ROBO2: variants seen among roughly 807,000 people sequenced by gnomAD.
ROBO2 encodes the protein roundabout homolog 2.
Under a neutral mutation model 160.8 loss-of-function variants are expected in ROBO2, and 53 were observed. The observed-to-expected ratio is 0.33, with a 90% CI of 0.26 to 0.41. ROBO2 has a LOEUF of 0.41. ROBO2 is among the 10% of genes least tolerant of loss of function. The probability of loss-of-function intolerance (pLI) is 1.00; values close to 1 mark genes in which losing one functional copy is unlikely to be tolerated. For synonymous variants in ROBO2, 664 were observed against 611.7 expected (o/e 1.09, Z -1.26); for missense variants, 1,577 against 1,722.4 (o/e 0.92, Z 1.49).
At chr3:77,460,752 T>C (rs563360683) in intron 2 of ROBO2, among the ~76,000 whole-genome samples, 64 of 152,290 alleles carry the variant, frequency 4.2e-4, no homozygotes, top group African/African-American at 1.5e-3. Flanking sequence ...TTAGCAAATA[T>C]ATATCTAGCA....
At chr3:76,134,140 CTTCAACTGTT>C (rs2071337810) in intron 2 of ROBO2, among the ~76,000 whole-genome samples, 1 of 152,068 alleles carries the variant, frequency 6.6e-6, no homozygotes, top group South Asian at 2.1e-4. Flanking sequence ...AATTTTCAGA[CTTCAACTGTT>C]TCAGAGCTTG....
At chr3:77,179,558 A>G (rs1219204872) in intron 2 of ROBO2, among the ~76,000 whole-genome samples, 3 of 152,102 alleles carry the variant, frequency 2.0e-5, no homozygotes, top group African/African-American at 7.2e-5. Context: ...GAGGCAAGAA[A>G]AAAAAGGCCA....
At chr3:77,214,313 G>T (rs1452843440) in intron 2 of ROBO2, among the ~76,000 whole-genome samples, 5 of 152,152 alleles carry the variant, frequency 3.3e-5, no homozygotes, top group Non-Finnish European at 1.5e-5. Flanking sequence ...TTGTTGAATT[G>T]ATCCCTTTCC....
intron 2 of ROBO2, among the ~76,000 whole-genome samples, chr3:77,034,182 A>G (rs1012721097): frequency 1.3e-5 from 2 of 151,952 alleles, no homozygotes; most frequent in Non-Finnish European, 2.9e-5. Flanking sequence ...ATGTTATGAT[A>G]TGAAGTATAT....
At chr3:76,650,468 G>C (rs1023786659) in intron 2 of ROBO2, among the ~76,000 whole-genome samples, 3 of 144,392 alleles carry the variant, frequency 2.1e-5, no homozygotes, top group African/African-American at 7.8e-5. Flanking sequence ...CAGGGAGTTT[G>C]TTCCTTCTTT....
At chr3:77,318,570 T>C (rs1001284348) in intron 2 of ROBO2, among the ~76,000 whole-genome samples, 1 of 152,194 alleles carries the variant, frequency 6.6e-6, no homozygotes, top group African/African-American at 2.4e-5. Flanking sequence ...TAAATTAAAA[T>C]CACACATTTT....
intron 2 of ROBO2, among the ~76,000 whole-genome samples, chr3:77,396,711 G>A (rs1468111738): frequency 1.3e-5 from 2 of 152,112 alleles, no homozygotes; most frequent in East Asian, 1.9e-4. Context: ...AACTGCCAAT[G>A]AGGATGGAGA....
In ROBO2 at chr3:76,774,856, C is replaced by T. The variant is rs927819388; in HGVS notation, c.110-323158C>T. On this transcript the variant is annotated intron_variant, in intron 2 of 26. Coordinates refer to the ROBO2 transcript ENST00000487694. ...GAGGTAGTAATTGTAAACATTGTTT[C>T]ATCTATTATGGGTCACTTTAAAAAT... 2.1e-5 allele frequency among the ~76,000 whole-genome samples: 3 copies of T among 145,690 alleles called. No individual in the cohort carries two copies. The South Asian group carries it at 6.4e-4, about 31-fold the overall frequency.
chr3:77,178,551 G>T (rs2080382405), intron 2 of ROBO2, among the ~76,000 whole-genome samples: 1 of 152,052 alleles, frequency 6.6e-6, no homozygotes, highest in Admixed American at 6.6e-5. Flanking sequence ...TACTAAACAG[G>T]TGAGAATGCA....
chr3:77,291,090 A>G (rs539646628), intron 2 of ROBO2, among the ~76,000 whole-genome samples: 2 of 151,076 alleles, frequency 1.3e-5, no homozygotes, highest in South Asian at 4.2e-4. Flanking sequence ...AGTAAAATTG[A>G]CGGGTAAACG....
intron 2 of ROBO2, among the ~76,000 whole-genome samples, chr3:76,342,341 C>T (rs576680207): frequency 6.6e-6 from 1 of 152,270 alleles, no homozygotes; most frequent in East Asian, 1.9e-4. Flanking sequence ...ATCTTTGTTA[C>T]TCCCAGCACA....
At chr3:76,341,800 C>G (rs138533111) in intron 2 of ROBO2, among the ~76,000 whole-genome samples, 1 of 152,106 alleles carries the variant, frequency 6.6e-6, no homozygotes, top group South Asian at 2.1e-4. Flanking sequence ...TAAAATGGGA[C>G]GTAAAAAAAG....
At chr3:77,407,525 A>G (rs908712143) in intron 2 of ROBO2, among the ~76,000 whole-genome samples, 1 of 152,218 alleles carries the variant, frequency 6.6e-6, no homozygotes, top group African/African-American at 2.4e-5. Flanking sequence ...GAAATTCAAA[A>G]GAAAAATTAT....
At chr3:76,708,829 C>T (rs968961433) in intron 2 of ROBO2, among the ~76,000 whole-genome samples, 2 of 152,126 alleles carry the variant, frequency 1.3e-5, no homozygotes, top group African/African-American at 4.8e-5. Context: ...GCCAGATTGA[C>T]ATCTTCAAAC....
At chr3:77,404,731 C>T (rs1033672862) in intron 2 of ROBO2, among the ~76,000 whole-genome samples, 3 of 152,100 alleles carry the variant, frequency 2.0e-5, no homozygotes, top group African/African-American at 7.2e-5. Flanking sequence ...GTAAAATATT[C>T]ATTTGCTTTG....
intron 2 of ROBO2, among the ~76,000 whole-genome samples, chr3:75,955,418 G>T (rs1392060096): frequency 2.0e-5 from 3 of 151,370 alleles, no homozygotes; most frequent in African/African-American, 4.8e-5. Context: ...TTCTTTCCAG[G>T]CTTTCCTTTC....
chr3:76,669,313 T>A (rs1045678689), intron 2 of ROBO2, among the ~76,000 whole-genome samples: 15 of 152,266 alleles, frequency 9.9e-5, no homozygotes, highest in Middle Eastern at 3.4e-3. Context: ...TGAAATATTT[T>A]TATGGGGAAA....
At chr3:77,229,087 C>G (rs62253281) in intron 2 of ROBO2, among the ~76,000 whole-genome samples, 3,385 of 152,186 alleles carry the variant, frequency 0.022, 50 homozygotes, top group Middle Eastern at 0.048. Context: ...AATTTCTAAG[C>G]CTTCGCCATG....
At chr3:77,474,400 G>C (rs924962978) in intron 2 of ROBO2, among the ~76,000 whole-genome samples, 1 of 152,094 alleles carries the variant, frequency 6.6e-6, no homozygotes, top group Non-Finnish European at 1.5e-5. Flanking sequence ...AGGCAAAGGG[G>C]ACGCTTTCCC....
Sources: allele counts gnomAD v4.1 joint callset (sites outside exome capture counted in the v4.1 genomes callset), GRCh38; gene constraint gnomAD v4.1.1; transcripts MANE v1.5; gene names NCBI Gene and HGNC (gene_info 2026-07-23, HGNC 2026-07-21).